HUWE1: variants seen among roughly 807,000 people sequenced by gnomAD.
HUWE1 encodes the protein E3 ubiquitin-protein ligase HUWE1.
HUWE1 carries 18 observed loss-of-function variants against 299.4 expected under a neutral mutation model. The ratio of observed to expected loss-of-function variants is 0.06; its 90% confidence interval spans 0.04 to 0.09. The LOEUF is 0.09. HUWE1 is among the 10% of genes least tolerant of loss of function. The pLI is 1.00. For missense variants in HUWE1, 1,832 were observed against 3,462.3 expected (o/e 0.53, Z 11.82); for synonymous variants, 1,317 against 1,286.1 (o/e 1.02, Z -0.51).
chrX:53,546,354 G>A, intron 70 of HUWE1, 82 bp downstream of exon 70: 1 of 920,823 alleles, frequency 1.1e-6, no homozygotes, highest in Non-Finnish European at 1.5e-6. Flanking sequence ...TTCAGCTTGG[G>A]GATTCAGGAA....
At chrX:53,665,260 G>A (rs781979131) in intron 3 of HUWE1, among the ~76,000 whole-genome samples, 5 of 112,055 alleles carry the variant, frequency 4.5e-5, no homozygotes, top group Admixed American at 9.5e-5. Context: ...ACAGTAAAGT[G>A]TCATAATAAA....
chrX:53,546,461 C>T lies in HUWE1; in HGVS notation c.10890G>A (p.Leu3630=). 1 of 1,210,768 alleles carries T rather than the reference C, an allele frequency of 8.3e-7. No homozygotes were observed. Among genetic ancestry groups the T allele is most frequent in the Non-Finnish European group, 1.1e-6 (1 of 895,008 alleles). The stretch of plus-strand genomic sequence containing the variant: ...CTATTTGTTTACAAAGGGTATAACC[C>T]AGATGGCGGGCTCCATTCAGTAGCA... ...LKLLLNGARH[L]GYTLCKQIGT... The change falls in exon 70 of 84, where the codon CTG becomes CTA. Residue 3630 remains leucine, a synonymous_variant. Coordinates refer to ENST00000262854, the MANE Select transcript of HUWE1 (RefSeq NM_031407.7).
chrX:53,670,326 T>G (rs1241186513), intron 3 of HUWE1, among the ~76,000 whole-genome samples: 2 of 111,610 alleles, frequency 1.8e-5, no homozygotes, highest in Non-Finnish European at 3.8e-5. Context: ...AGTTCAGTTT[T>G]AAGGAGAGAT....
At chrX:53,602,770 T>A (rs2064937817) in intron 27 of HUWE1, 112 bp from the exon 28 acceptor site, 2 of 429,376 alleles carry the variant, frequency 4.7e-6, no homozygotes, top group East Asian at 8.0e-5. Context: ...ATCCCTCCTA[T>A]AGCAGGCAGG....
In HUWE1 at chrX:53,628,632, G is replaced by A; in HGVS notation, c.1115-12C>T. The A allele has an allele frequency of 2.5e-6, 3 of 1,184,021 alleles. No individual in the cohort carries two copies. Among genetic ancestry groups the A allele is most frequent in the African/African-American group, 1.8e-5 (1 of 56,657 alleles). On this transcript the variant is annotated splice_polypyrimidine_tract_variant and intron_variant, in intron 14 of 83. Transcript: ENST00000262854. ...ATCCATGGAAGGATCTACAAGGGAG[G>A]TGGGGAGAGGGAGAACAAAAACAAG...
At chrX:53,589,897 G>A in intron 35 of HUWE1, 81 bp from the exon 36 acceptor site, 1 of 1,012,854 alleles carries the variant, frequency 9.9e-7, no homozygotes, top group Non-Finnish European at 1.4e-6. Context: ...GAATGTTTTT[G>A]CTCTACCATA....
At position 53,560,211 on chromosome X, in the gene HUWE1, G is replaced by A. The variant is rs782242140; in HGVS notation, c.7713C>T (p.Pro2571=). 14 of 1,193,164 alleles carry A rather than the reference G, an allele frequency of 1.2e-5. No individual in the cohort carries two copies. Among genetic ancestry groups the A allele is most frequent in the South Asian group, 1.8e-5 (1 of 54,740 alleles). The change falls in exon 56 of 84, where the codon CCC becomes CCT. Residue 2571 remains proline (P), a synonymous_variant. Coordinates refer to ENST00000262854, the MANE Select transcript of HUWE1 (RefSeq NM_031407.7). ...IHVHYPGNRQ[P]NPPLILQRLL... ...ACCTCTGCAGTATAAGAGGAGGGTT[G>A]GGCTGGCGATTCCCAGGGTAGTGAA...
At chrX:53,655,274 T>C (rs1158237235) in intron 3 of HUWE1, among the ~76,000 whole-genome samples, 2 of 110,290 alleles carry the variant, frequency 1.8e-5, no homozygotes. Flanking sequence ...AGCTGACCAA[T>C]TACAGTATAA....
At chrX:53,556,563 A>AT (rs1556935077) in intron 60 of HUWE1, among the ~76,000 whole-genome samples, 1 of 111,805 alleles carries the variant, frequency 8.9e-6, no homozygotes, top group Admixed American at 9.5e-5. Flanking sequence ...GACATATGAT[A>AT]TCACATGAAC....
chrX:53,563,072 C>T lies in HUWE1; in HGVS notation c.7106-143G>A, dbSNP rs374881456. On this transcript the variant is annotated intron_variant, in intron 52 of 83. Coordinates refer to ENST00000262854, the MANE Select transcript of HUWE1 (RefSeq NM_031407.7). ...GAAGACCTGGATTGTCTGCTGTCAGCTAGCTAGGTGAGCTTGGCCAGTCAC... is the reference window on the plus strand; with the variant it reads ...GAAGACCTGGATTGTCTGCTGTCAGTTAGCTAGGTGAGCTTGGCCAGTCAC... 1.4e-5 allele frequency: 7 copies of T among 502,357 alleles called. No individual in the cohort carries two copies. In the African/African-American group the frequency reaches 1.6e-4, roughly 12 times the overall value. 41.4% of individuals were successfully genotyped at this position (502,357 alleles called of 1,213,427 possible). A position where few individuals can be genotyped will look rare whatever the true frequency, so the allele number is the denominator to read the frequency against.
chrX:53,571,002 G>A (rs1321973652), intron 47 of HUWE1, among the ~76,000 whole-genome samples: 4 of 112,258 alleles, frequency 3.6e-5, no homozygotes, highest in African/African-American at 1.3e-4. Context: ...CAATAACCAC[G>A]TAGAAAGGAC....
At chrX:53,656,878 T>G (rs907646366) in intron 3 of HUWE1, among the ~76,000 whole-genome samples, 4 of 109,327 alleles carry the variant, frequency 3.7e-5, no homozygotes, top group Non-Finnish European at 7.6e-5. Context: ...AACCCAGAAA[T>G]AGACTCATAC....
chrX:53,584,122 A>G, intron 41 of HUWE1, 64 bp downstream of exon 41: 1 of 1,039,995 alleles, frequency 9.6e-7, no homozygotes, highest in Non-Finnish European at 1.3e-6. Context: ...ACTCACAATG[A>G]AATTGGCCAG....
chrX:53,656,782 C>T (rs1473243839), intron 3 of HUWE1, among the ~76,000 whole-genome samples: 3 of 110,556 alleles, frequency 2.7e-5, no homozygotes, highest in African/African-American at 9.9e-5. Flanking sequence ...AATTGAATTA[C>T]CCTACCCACT....
At chrX:53,656,322 G>C (rs1305719856) in intron 3 of HUWE1, among the ~76,000 whole-genome samples, 1 of 109,897 alleles carries the variant, frequency 9.1e-6, no homozygotes, top group Non-Finnish European at 1.9e-5. Context: ...GTTGCAGTGA[G>C]CCTAGATTGT....
chrX:53,612,737 G>A (rs1378279437), intron 23 of HUWE1, among the ~76,000 whole-genome samples: 1 of 112,024 alleles, frequency 8.9e-6, no homozygotes, highest in Non-Finnish European at 1.9e-5. Flanking sequence ...TCAAGAATAA[G>A]ACATTTGAAC....
At chrX:53,537,791 T>C in intron 77 of HUWE1, 95 bp from the exon 78 acceptor site, 5 of 899,180 alleles carry the variant, frequency 5.6e-6, no homozygotes, top group Non-Finnish European at 7.8e-6. Context: ...ATGCTCCTTC[T>C]ATCCTCCAAA....
At position 53,624,661 on chromosome X, in the gene HUWE1, G is replaced by C. The variant is rs1557015442; in HGVS notation, c.1606C>G (p.Leu536Val). Residue 536 changes from leucine to valine, a missense_variant, in exon 19 of 84, where the codon CTG becomes GTG. This residue lies in a region of HUWE1 where 658 missense variants were observed against 1,282.6 expected (regional missense o/e 0.51). Transcript: ENST00000262854. ...ATGATGTGTTTCAGGGAGGTAGGCA[G>C]AGAACCATCCATCACTAAAAGAAAA... ...DGIRHVMDGS[L>V]PTSLKHIISN... 1 of 1,197,128 alleles carries C rather than the reference G, an allele frequency of 8.4e-7. No homozygotes were observed.
chrX:53,546,395 GA>G (rs782545503), intron 70 of HUWE1, 40 bp downstream of exon 70: 1 of 1,165,923 alleles, frequency 8.6e-7, no homozygotes, highest in Non-Finnish European at 1.2e-6. Flanking sequence ...CACCTAAGTG[GA>G]AACCTTCAGA....
Sources: gnomAD v4.1 joint callset for allele counts (sites outside exome capture counted in the v4.1 genomes callset) on GRCh38, gnomAD v4.1.1 for gene constraint, gnomAD v4.1.1 regional missense constraint, MANE v1.5 for transcripts, NCBI Gene and HGNC (gene_info 2026-07-23, HGNC 2026-07-21) for gene names.